Variants in NFE2L1 observed in about 807,000 individuals in gnomAD.
NFE2L1 encodes endoplasmic reticulum membrane sensor NFE2L1.
A neutral mutation model predicts 61.6 loss-of-function variants in NFE2L1; 18 were observed. The observed-to-expected ratio is 0.29, with a 90% CI of 0.20 to 0.43. NFE2L1 has a LOEUF of 0.43. Among genes scored for constraint, NFE2L1 ranks in the 20% least tolerant of loss-of-function variants. The pLI is 1.00. For synonymous variants in NFE2L1, 419 were observed against 402.7 expected (o/e 1.04, Z -0.48); for missense variants, 827 against 973.5 (o/e 0.85, Z 2.00).
In NFE2L1 at chr17:48,059,889, A is replaced by G. The variant is rs1428814545; in HGVS notation, c.*248A>G. 1.8e-5 allele frequency: 9 copies of G among 495,478 alleles called. No individual in the cohort carries two copies. The highest frequency in any genetic ancestry group is 2.8e-5 in the Non-Finnish European group (8 of 288,932). 30.7% of individuals were successfully genotyped at this position (495,478 alleles called of 1,614,324 possible). A position where few individuals can be genotyped will look rare whatever the true frequency, so the allele number is the denominator to read the frequency against. On this transcript the variant is annotated 3_prime_UTR_variant, in exon 6 of 6. Coordinates refer to ENST00000362042, the MANE Select transcript of NFE2L1 (RefSeq NM_003204.3). The surrounding 1 kb of genome is among the most constrained non-coding windows in gnomAD (Gnocchi z 6.1). ...GTCCTCACCCTACCCCTTTCCTGTGAGGCAGGGGTGGTGGTGGAGTTGCTG... is the reference window on the plus strand; with the variant it reads ...GTCCTCACCCTACCCCTTTCCTGTGGGGCAGGGGTGGTGGTGGAGTTGCTG...
At chr17:48,052,022 A>G (rs2037265801) in intron 2 of NFE2L1, among the ~76,000 whole-genome samples, 1 of 152,172 alleles carries the variant, frequency 6.6e-6, no homozygotes, top group Non-Finnish European at 1.5e-5. Flanking sequence ...ACCTCCCCCC[A>G]CATCAGAACA....
chr17:48,057,731 G>A (rs1598291528), intron 5 of NFE2L1, among the ~76,000 whole-genome samples: 1 of 152,172 alleles, frequency 6.6e-6, no homozygotes, highest in East Asian at 1.9e-4. Context: ...CCAAATCAGG[G>A]CCTGCCTCCT....
rs1242510754 is a variant in NFE2L1, at chr17:48,057,371, G to C, written c.841G>C (p.Glu281Gln). ...EFPADISSIT[E>Q]AVPSESEPPA... ...TCCAGCAGACATTTCCAGCATAACA[G>C]AAGCAGTGCCTAGTGAGAGTGAGCC... The change falls in exon 5 of 6, where the codon GAA becomes CAA. Residue 281 changes from glutamate to glutamine, a missense_variant. By Grantham distance (29) the Glu-to-Gln change is conservative. Coordinates refer to ENST00000362042, the MANE Select transcript of NFE2L1 (RefSeq NM_003204.3). The C allele has an allele frequency of 6.2e-7, 1 of 1,614,158 alleles. No individual in the cohort carries two copies. Among genetic ancestry groups the C allele is most frequent in the Admixed American group, 1.7e-5 (1 of 60,014 alleles).
At chr17:48,055,128 C>G in intron 2 of NFE2L1, 1 of 1,423,214 alleles carries the variant, frequency 7.0e-7, no homozygotes, top group Non-Finnish European at 9.2e-7. Flanking sequence ...GCCTCTGCTC[C>G]TGGGTCCAGG....
rs1374143894 is a variant in NFE2L1, at chr17:48,057,351, C to T, written c.821C>T (p.Ala274Val). ...CPFGENAEFP[A>V]DISSITEAVP... The stretch of plus-strand genomic sequence containing the variant: ...CTCTGTGTTTTGCCCTAGTTTCCAG[C>T]AGACATTTCCAGCATAACAGAAGCA... Residue 274 changes from alanine to valine, a missense_variant, in exon 5 of 6, where the codon GCA becomes GTA. Ala to Val is a moderately conservative substitution (Grantham distance 64, BLOSUM62 0). This residue lies in a region of NFE2L1 where 667 missense variants were observed against 748.4 expected (regional missense o/e 0.89). Coordinates refer to ENST00000362042, the MANE Select transcript of NFE2L1 (RefSeq NM_003204.3). 1.2e-5 allele frequency: 20 copies of T among 1,613,044 alleles called. No homozygotes were observed. The highest frequency in any genetic ancestry group is 1.7e-5 in the Admixed American group (1 of 59,668).
rs1394226329 is a variant in NFE2L1 at position 48,060,185 on chromosome 17, G to C, written c.*544G>C. 3 of 151,886 alleles carry C rather than the reference G, an allele frequency of 2.0e-5. No individual in the cohort carries two copies. Among genetic ancestry groups the C allele is most frequent in the Non-Finnish European group, 4.4e-5 (3 of 68,076 alleles). The allele number at this position is 151,886 out of a possible 1,614,324, so 9.4% of individuals were successfully genotyped here. A position where few individuals can be genotyped will look rare whatever the true frequency, so the allele number is the denominator to read the frequency against. ...TAAACCCCAATTTTCACCCCGGGGG[G>C]GGTGGGGTACACAGACACAGGGTGG... On this transcript the variant is annotated 3_prime_UTR_variant, in exon 6 of 6. Coordinates refer to ENST00000362042, the MANE Select transcript of NFE2L1 (RefSeq NM_003204.3).
chr17:48,057,525 C>CA (rs1434181327), intron 5 of NFE2L1, 23 bp downstream of exon 5: 4 of 1,603,868 alleles, frequency 2.5e-6, no homozygotes, highest in East Asian at 2.2e-5. Context: ...GAACCGGGCA[C>CA]AAACCTATTG....
At chr17:48,057,629 A>C in intron 5 of NFE2L1, 127 bp downstream of exon 5, 1 of 1,232,432 alleles carries the variant, frequency 8.1e-7, no homozygotes, top group Non-Finnish European at 1.1e-6. Flanking sequence ...AAGTGGGGAC[A>C]ATGAGAAGAA....
At chr17:48,056,826 A>C (rs2144382587) in intron 3 of NFE2L1, among the ~76,000 whole-genome samples, 1 of 152,320 alleles carries the variant, frequency 6.6e-6, no homozygotes, top group Admixed American at 6.5e-5. Flanking sequence ...AGACAGTGCA[A>C]GGGAGGCAGA....
At chr17:48,053,037 C>T (rs1015918444) in intron 2 of NFE2L1, among the ~76,000 whole-genome samples, 1 of 152,166 alleles carries the variant, frequency 6.6e-6, no homozygotes, top group Admixed American at 6.5e-5. Flanking sequence ...TCTGCTTCCC[C>T]TTTCCTTCAA....
At position 48,056,610 on chromosome 17, in the gene NFE2L1, C is replaced by G; in HGVS notation, c.723+12C>G. Reference sequence around the variant, plus strand: ...GCTTCCCTGCACAGGTACCATCGCCCCTGCTCACTGGGCTCTCTTCTTGTC... The same window carrying G: ...GCTTCCCTGCACAGGTACCATCGCCGCTGCTCACTGGGCTCTCTTCTTGTC... On this transcript the variant is annotated intron_variant, in intron 3 of 5. Coordinates refer to ENST00000362042, the MANE Select transcript of NFE2L1 (RefSeq NM_003204.3). The G allele has an allele frequency of 6.2e-7, 1 of 1,611,768 alleles. No homozygotes were observed. The highest frequency in any genetic ancestry group is 8.5e-7 in the Non-Finnish European group (1 of 1,179,518).
At position 48,058,999 on chromosome 17, in the gene NFE2L1, AG is replaced by A; in HGVS notation, c.1678del (p.Ala560LeufsTer52). 1 of 1,614,060 alleles carries A rather than the reference AG, an allele frequency of 6.2e-7. No individual in the cohort carries two copies. The highest frequency in any genetic ancestry group is 8.5e-7 in the Non-Finnish European group (1 of 1,180,002). On this transcript the variant is annotated frameshift_variant, in exon 6 of 6. Transcript: ENST00000362042. LOFTEE classifies it high-confidence loss of function. ...KFCRMSYQDP[A>X]QLSCLPYLEH... ...TCTGCCGCATGAGCTACCAGGATCC[AG>A]CTCAGCTCTCATGCCTGCCCTACCT... is the stretch of plus-strand genomic sequence containing the variant.
chr17:48,057,587 A>G, intron 5 of NFE2L1, 85 bp downstream of exon 5: 3 of 1,487,356 alleles, frequency 2.0e-6, no homozygotes, highest in Non-Finnish European at 1.8e-6. Flanking sequence ...CTCCAAGGAG[A>G]GAAAGTGTAA....
rs377327796 is a variant in NFE2L1 at position 48,059,557 on chromosome 17, C to T, written c.2235C>T (p.Asp745=). The change falls in exon 6 of 6, where the codon GAC becomes GAT. Residue 745 remains aspartate (D), a synonymous_variant. Coordinates refer to ENST00000362042, the MANE Select transcript of NFE2L1 (RefSeq NM_003204.3). The surrounding 1 kb of genome is among the most constrained non-coding windows in gnomAD (Gnocchi z 6.1). ...PSQYALQYAG[D]GSVLLIPRTM... ...AGTATGCGCTCCAGTACGCCGGGGA[C>T]GGCAGTGTCCTCCTCATCCCCCGCA... 6.8e-6 allele frequency: 11 copies of T among 1,609,666 alleles called. No individual in the cohort carries two copies. In the African/African-American group the frequency reaches 9.4e-5, roughly 14 times the overall value.
Position 48,059,535 on chromosome 17 carries a change from A to G in NFE2L1, c.2213A>G (p.Tyr738Cys). ...GGACGACCCTACTCGCCCAGTCAGT[A>G]TGCGCTCCAGTACGCCGGGGACGGC... Reference protein sequence around the residue: ...ENGRPYSPSQYALQYAGDGSV... With the variant: ...ENGRPYSPSQCALQYAGDGSV... Residue 738 changes from tyrosine (Y) to cysteine (C), a missense_variant, in exon 6 of 6, where the codon TAT becomes TGT. Physicochemically the swap from Tyr to Cys is radical, Grantham distance 194 (BLOSUM62 -2). This residue lies in a region of NFE2L1 where 86 missense variants were observed against 97.3 expected (regional missense o/e 0.88). Transcript: ENST00000362042. This position sits in a 1 kb window ranked among gnomAD's most constrained non-coding sequence, Gnocchi z 6.1. The G allele has an allele frequency of 6.2e-7, 1 of 1,613,646 alleles. No individual in the cohort carries two copies. The highest frequency in any genetic ancestry group is 8.5e-7 in the Non-Finnish European group (1 of 1,179,684).
intron 2 of NFE2L1, 58 bp from the exon 3 acceptor site, chr17:48,056,328 C>T: frequency 6.3e-7 from 1 of 1,599,112 alleles, no homozygotes; most frequent in Non-Finnish European, 8.6e-7. Flanking sequence ...CTCTGAGGGG[C>T]AGGACAAGGA....
Position 48,060,036 on chromosome 17 carries a change from A to AGGAAGGAAC in NFE2L1, c.*395_*396insGGAAGGAAC, listed in dbSNP as rs762333844. The AGGAAGGAAC allele has an allele frequency of 2.4e-5, 1 of 40,858 alleles. No individual in the cohort carries two copies. The highest frequency in any genetic ancestry group is 4.2e-5 in the Non-Finnish European group (1 of 23,926). The allele number at this position is 40,858 out of a possible 1,614,324, so 2.5% of individuals were successfully genotyped here. A position where few individuals can be genotyped will look rare whatever the true frequency, so the allele number is the denominator to read the frequency against. On this transcript the variant is annotated 3_prime_UTR_variant, in exon 6 of 6. Transcript: ENST00000362042. ...AGGGATAGAAGGAAGGAAGGAAGGA[A>AGGAAGGAAC]CCCCCCCCCCCCCGAAAAAAAAATC...
intron 4 of NFE2L1, 96 bp downstream of exon 4, chr17:48,057,217 C>T (rs2037425410): frequency 1.3e-6 from 2 of 1,588,614 alleles, no homozygotes; most frequent in Non-Finnish European, 1.7e-6. Context: ...TGGTTCTGGC[C>T]TTATTCTGGC....
chr17:48,054,678 A>G (rs1360421607), intron 2 of NFE2L1: 6 of 1,267,896 alleles, frequency 4.7e-6, no homozygotes, highest in Admixed American at 8.2e-5. Context: ...GAGCGGGAGG[A>G]TAGGCCCAGG....
Sources: allele counts gnomAD v4.1 joint callset (sites outside exome capture counted in the v4.1 genomes callset), GRCh38; gene constraint gnomAD v4.1.1; regional missense constraint gnomAD v4.1.1; non-coding constraint Gnocchi (gnomAD v3.1); transcripts MANE v1.5; gene names NCBI Gene and HGNC (gene_info 2026-07-23, HGNC 2026-07-21).